The following SPATA7 variants were observed in gnomAD, a reference collection of about 807,000 sequenced individuals.
The protein encoded by SPATA7 is spermatogenesis-associated protein 7.
Under a neutral mutation model 51.8 loss-of-function variants are expected in SPATA7, and 43 were observed. That is an observed-to-expected ratio of 0.83 (90% confidence interval 0.65 to 1.07). SPATA7 has a LOEUF of 1.07. Among genes scored for constraint, SPATA7 ranks in the 50% least tolerant of loss-of-function variants. The pLI, the probability that SPATA7 is intolerant of heterozygous loss-of-function variation, is 0.00. For missense variants in SPATA7, 683 were observed against 701.3 expected (o/e 0.97, Z 0.30); for synonymous variants, 230 against 252.8 (o/e 0.91, Z 0.86).
chr14:88,393,987 C>G (rs74073640), intron 3 of SPATA7, among the ~76,000 whole-genome samples: 5,370 of 152,216 alleles, frequency 0.035, 314 homozygotes, highest in African/African-American at 0.12. Flanking sequence ...CTACACCGTT[C>G]AGGCCAAACC....
chr14:88,430,970 T>C (rs1213423623), intron 8 of SPATA7, among the ~76,000 whole-genome samples: 2 of 152,164 alleles, frequency 1.3e-5, no homozygotes, highest in Non-Finnish European at 2.9e-5. Context: ...ATTGGAACAT[T>C]TTTGGATTTC....
In SPATA7 at chr14:88,421,512, G is replaced by A. The variant is rs1048635824; in HGVS notation, c.372+4668G>A. On this transcript the variant is annotated intron_variant, in intron 5 of 11. Transcript: ENST00000393545. ...GACCAGTTTTTAGTTGGGAAGTTAT[G>A]TCATCATACTGACACTACACAGACT... Among the ~76,000 whole-genome samples, 10 of 152,224 alleles carry A rather than the reference G, an allele frequency of 6.6e-5. No individual in the cohort carries two copies. In the South Asian group the frequency reaches 1.0e-3, roughly 16 times the overall value.
exon 5 of SPATA7, chr14:88,470,130 TA>T: frequency 7.0e-7 from 1 of 1,434,736 alleles, no homozygotes; most frequent in Non-Finnish European, 9.5e-7. Context: ...ATGGTAGTAC[TA>T]AAAAAGTTTT....
intron 5 of SPATA7, among the ~76,000 whole-genome samples, chr14:88,423,671 ATTTTTTTTTTT>A (rs897398508): frequency 8.1e-5 from 1 of 12,272 alleles, no homozygotes; most frequent in African/African-American, 1.1e-4. Flanking sequence ...TTTTAAAATA[ATTTTTTTTTTT>A]TTTTTTTTTT....
At chr14:88,389,088 C>CA (rs2075664660) in intron 1 of SPATA7, among the ~76,000 whole-genome samples, 1 of 150,524 alleles carries the variant, frequency 6.6e-6, no homozygotes, top group East Asian at 1.9e-4. Context: ...GCAAGTCATG[C>CA]AAAAAAACAA....
chr14:88,429,246 A>C, intron 7 of SPATA7, 102 bp from the exon 8 acceptor site: 1 of 682,040 alleles, frequency 1.5e-6, no homozygotes, highest in Admixed American at 2.1e-5. Context: ...ATTTTTATCT[A>C]CTGGATATCT....
intron 10 of SPATA7, among the ~76,000 whole-genome samples, chr14:88,435,274 A>T (rs1595296585): frequency 6.6e-6 from 1 of 152,180 alleles, no homozygotes; most frequent in East Asian, 1.9e-4. Flanking sequence ...GGGAGTTTTT[A>T]AATTTTTTAA....
At chr14:88,426,064 A>C (rs1438570079) in intron 5 of SPATA7, among the ~76,000 whole-genome samples, 168 bp from the exon 6 acceptor site, 2 of 152,232 alleles carry the variant, frequency 1.3e-5, no homozygotes, top group Non-Finnish European at 2.9e-5. Context: ...TTAATATCTT[A>C]GTTTAAATAC....
intron 4 of SPATA7, chr14:88,414,830 T>C (rs1200618900): frequency 5.1e-6 from 1 of 197,350 alleles, no homozygotes; most frequent in Non-Finnish European, 1.1e-5. Context: ...CAGGAGCAAG[T>C]TGGTTTAATT....
chr14:88,388,971 T>G (rs2075660916), intron 1 of SPATA7, among the ~76,000 whole-genome samples: 1 of 152,098 alleles, frequency 6.6e-6, no homozygotes, highest in African/African-American at 2.4e-5. Context: ...GCCAAGTCAC[T>G]AAACAAACAA....
At chr14:88,429,789 CA>C (rs1028294153) in intron 8 of SPATA7, among the ~76,000 whole-genome samples, 7 of 152,208 alleles carry the variant, frequency 4.6e-5, no homozygotes, top group South Asian at 2.1e-4. Flanking sequence ...TTACATGCCA[CA>C]AATAGTACTG....
chr14:88,415,458 T>A (rs1285547594), intron 4 of SPATA7, among the ~76,000 whole-genome samples: 1 of 151,172 alleles, frequency 6.6e-6, no homozygotes, highest in Non-Finnish European at 1.5e-5. Flanking sequence ...GTGATGGGCC[T>A]CTTGAAGATA....
chr14:88,426,379 A>C lies in SPATA7; in HGVS notation c.520A>C (p.Lys174Gln). The C allele has an allele frequency of 6.2e-7, 1 of 1,614,170 alleles. No individual in the cohort carries two copies. The highest frequency in any genetic ancestry group is 8.5e-7 in the Non-Finnish European group (1 of 1,179,998). Residue 174 changes from lysine to glutamine, a missense_variant, in exon 6 of 12, where the codon AAG becomes CAG. Lys to Gln is a moderately conservative substitution (Grantham distance 53). Transcript: ENST00000393545. ...SSKVITNGPE[K>Q]NSSSSPSSVD... ...TAAAGTCATCACAAATGGTCCTGAGAAGAACTCCAGTTCCTCCCCGTCCAG... is the reference window on the plus strand; with the variant it reads ...TAAAGTCATCACAAATGGTCCTGAGCAGAACTCCAGTTCCTCCCCGTCCAG...
intron 3 of SPATA7, among the ~76,000 whole-genome samples, chr14:88,452,101 C>A (rs1049648156): frequency 2.0e-4 from 31 of 152,138 alleles, no homozygotes; most frequent in African/African-American, 7.0e-4. Flanking sequence ...ATTCTTTTGT[C>A]CCACAGGATG....
At chr14:88,456,781 A>G (rs899822268), downstream of SPATA7, among the ~76,000 whole-genome samples, 1 of 152,146 alleles carries the variant, frequency 6.6e-6, no homozygotes, top group African/African-American at 2.4e-5. Context: ...TTGGTGTTTT[A>G]GACATGAAGT....
chr14:88,408,819 C>T (rs557545494), intron 4 of SPATA7, among the ~76,000 whole-genome samples: 16 of 152,120 alleles, frequency 1.1e-4, no homozygotes, highest in African/African-American at 2.4e-4. Flanking sequence ...TAGCATGAAG[C>T]GCTGTTGAAT....
chr14:88,463,999 C>G (rs2077335373), intron 4 of SPATA7, among the ~76,000 whole-genome samples: 1 of 151,968 alleles, frequency 6.6e-6, no homozygotes, highest in Non-Finnish European at 1.5e-5. Context: ...TGCCACCATG[C>G]CCAGCTAAGT....
intron 4 of SPATA7, among the ~76,000 whole-genome samples, chr14:88,402,640 A>C (rs761631761): frequency 3.3e-4 from 50 of 152,312 alleles, no homozygotes; most frequent in Non-Finnish European, 5.4e-4. Context: ...AAATCAACTC[A>C]TACAAAAATC....
At position 88,469,949 on chromosome 14, in the gene SPATA7, T is replaced by G; in HGVS notation, c.*82T>G. On this transcript the variant is annotated 3_prime_UTR_variant, in exon 5 of 5. Coordinates refer to the SPATA7 transcript ENST00000556406. The surrounding 1 kb of genome is among the most constrained non-coding windows in gnomAD (Gnocchi z 4.3). ...CTTCTGCTGTCACCATTGCTATAAT[T>G]GCAATTCCCTGTTCCCATACCATCT... The G allele has an allele frequency of 6.2e-7, 1 of 1,614,114 alleles. No homozygotes were observed. The highest frequency in any genetic ancestry group is 8.5e-7 in the Non-Finnish European group (1 of 1,180,012).
Sources: allele counts gnomAD v4.1 joint callset (sites outside exome capture counted in the v4.1 genomes callset), GRCh38; gene constraint gnomAD v4.1.1; non-coding constraint Gnocchi (gnomAD v3.1); transcripts MANE v1.5; gene names NCBI Gene and HGNC (gene_info 2026-07-23, HGNC 2026-07-21).